The following UBE2E1 variants were observed in gnomAD, a reference collection of about 807,000 sequenced individuals.
UBE2E1 encodes ubiquitin-conjugating enzyme E2 E1.
Under a neutral mutation model 21.4 loss-of-function variants are expected in UBE2E1, and 6 were observed. The ratio of observed to expected loss-of-function variants is 0.28; its 90% CI spans 0.15 to 0.55. The LOEUF is 0.55. UBE2E1 is among the 20% of genes least tolerant of loss of function. The pLI, the probability that UBE2E1 is intolerant of heterozygous loss-of-function variation, is 0.93. For synonymous variants in UBE2E1, 87 were observed against 82.7 expected, an observed-to-expected ratio of 1.05 and a Z score of -0.28; for missense variants, 142 against 236.5, an observed-to-expected ratio of 0.60 and a Z score of 2.62.
Position 23,808,307 on chromosome 3 carries a change from C to G in UBE2E1, c.152+886C>G, listed in dbSNP as rs574689557. On this transcript the variant is annotated intron_variant, in intron 2 of 5. Coordinates refer to ENST00000306627, the MANE Select transcript of UBE2E1 (RefSeq NM_003341.5). This position sits in a 1 kb window ranked among gnomAD's most constrained non-coding sequence, Gnocchi z 4.9. ...CCATCCTTCAGTAATATCCTCTGAT[C>G]GCCATGACCCTCAAAATCATCTTTA... Among the ~76,000 whole-genome samples, 1 of 152,106 alleles carries G rather than the reference C, an allele frequency of 6.6e-6. No individual in the cohort carries two copies. The highest frequency in any genetic ancestry group is 2.4e-5 in the African/African-American group (1 of 41,398).
At chr3:23,888,268 A>G (rs1253549075) in intron 4 of UBE2E1, 8 of 457,014 alleles carry the variant, frequency 1.8e-5, no homozygotes, top group Non-Finnish European at 3.5e-5. Flanking sequence ...ACAGGTGAGG[A>G]TTGCCCAAGT....
chr3:23,846,716 AAAG>A (rs1306987388), intron 3 of UBE2E1, among the ~76,000 whole-genome samples: 2 of 151,626 alleles, frequency 1.3e-5, no homozygotes, highest in Non-Finnish European at 2.9e-5. Flanking sequence ...AAAAAAAAAA[AAAG>A]GGAATGGGTA....
intron 3 of UBE2E1, among the ~76,000 whole-genome samples, chr3:23,869,544 AT>A (rs1700735845): frequency 6.6e-6 from 1 of 151,442 alleles, no homozygotes; most frequent in Non-Finnish European, 1.5e-5. Flanking sequence ...CAAGTAGTTT[AT>A]TTCCAGGTAC....
Position 23,877,031 on chromosome 3 carries a change from A to C in UBE2E1, c.204-10536A>C, listed in dbSNP as rs556115253. 4.1e-4 allele frequency among the ~76,000 whole-genome samples: 62 copies of C among 152,358 alleles called. No homozygotes were observed. The Middle Eastern group carries it at 0.01, about 25-fold the overall frequency. Reference sequence around the variant, plus strand: ...GAGTGAGACACTGTCTCAAAGAAAGAAACAGTTGGTATTCATTGCTCTTAA... The same window carrying C: ...GAGTGAGACACTGTCTCAAAGAAAGCAACAGTTGGTATTCATTGCTCTTAA... On this transcript the variant is annotated intron_variant, in intron 3 of 5. Coordinates refer to ENST00000306627, the MANE Select transcript of UBE2E1 (RefSeq NM_003341.5).
chr3:23,875,047 C>T (rs1393223493), intron 3 of UBE2E1, among the ~76,000 whole-genome samples: 4 of 152,180 alleles, frequency 2.6e-5, no homozygotes. Flanking sequence ...TTTGTCATCC[C>T]TACCAGAGTA....
chr3:23,872,392 G>A (rs1380341747), intron 3 of UBE2E1, among the ~76,000 whole-genome samples: 1 of 151,958 alleles, frequency 6.6e-6, no homozygotes, highest in Non-Finnish European at 1.5e-5. Context: ...GGGAGAGGGA[G>A]AGGGAGAGGC....
intron 3 of UBE2E1, among the ~76,000 whole-genome samples, chr3:23,850,063 T>A (rs756494616): frequency 6.6e-6 from 1 of 152,226 alleles, no homozygotes; most frequent in Non-Finnish European, 1.5e-5. Flanking sequence ...GGATCAAAAT[T>A]GACATATTCT....
intron 3 of UBE2E1, among the ~76,000 whole-genome samples, chr3:23,837,544 C>A (rs774882988): frequency 2.6e-5 from 4 of 152,206 alleles, no homozygotes; most frequent in Non-Finnish European, 5.9e-5. Context: ...CCCAGTCCAA[C>A]TTGCTATGTG....
rs55941535 is a variant in UBE2E1, at chr3:23,842,198, GGTGTGTGTGT to G, written c.203+30730_203+30739del. 4.8e-5 allele frequency among the ~76,000 whole-genome samples: 5 copies of G among 104,282 alleles called. No individual in the cohort carries two copies. The highest frequency in any genetic ancestry group is 1.1e-4 in the African/African-American group (3 of 27,628). The allele number at this position is 104,282 out of a possible 152,430, so 68.4% of individuals were successfully genotyped here. On this transcript the variant is annotated intron_variant, in intron 3 of 5. Transcript: ENST00000306627. This position sits in a 1 kb window ranked among gnomAD's most constrained non-coding sequence, Gnocchi z 4.6. ...TATGTCATGACCCAGTAAGTGAAGG[GGTGTGTGTGT>G]GTGTGTGTGTGTGTGTGTGTGTGTG...
intron 3 of UBE2E1, 151 bp downstream of exon 3, chr3:23,811,661 G>A: frequency 2.8e-6 from 2 of 727,128 alleles, no homozygotes; most frequent in African/African-American, 1.8e-5. Context: ...ATTAACCTGA[G>A]TATAATGTTT....
intron 3 of UBE2E1, among the ~76,000 whole-genome samples, chr3:23,839,536 T>G (rs1187109816): frequency 2.0e-5 from 3 of 152,006 alleles, no homozygotes; most frequent in Non-Finnish European, 4.4e-5. Context: ...TTACCATTTC[T>G]GGTGTTCTTT....
intron 4 of UBE2E1, chr3:23,888,097 A>G: frequency 2.5e-6 from 1 of 403,772 alleles, no homozygotes; most frequent in South Asian, 1.8e-5. Context: ...GTTTGAGTCC[A>G]GTCTGGGCAA....
chr3:23,808,946 T>G lies in UBE2E1; in HGVS notation c.152+1525T>G, dbSNP rs1455975029. Reference sequence around the variant, plus strand: ...TAGATATCCCTGGTGTACATGAATATATTTGGGGGTAAAGACACAGGTATC... The same window carrying G: ...TAGATATCCCTGGTGTACATGAATAGATTTGGGGGTAAAGACACAGGTATC... On this transcript the variant is annotated intron_variant, in intron 2 of 5. Coordinates refer to ENST00000306627, the MANE Select transcript of UBE2E1 (RefSeq NM_003341.5). This position sits in a 1 kb window ranked among gnomAD's most constrained non-coding sequence, Gnocchi z 4.9. 1 of 152,222 alleles carries G rather than the reference T, an allele frequency of 6.6e-6. No individual in the cohort carries two copies. The highest frequency in any genetic ancestry group is 1.5e-5 in the Non-Finnish European group (1 of 68,032). The allele number at this position is 152,222 out of a possible 1,614,324, so 9.4% of individuals were successfully genotyped here.
chr3:23,846,638 G>C (rs1700209839), intron 3 of UBE2E1, among the ~76,000 whole-genome samples: 1 of 148,582 alleles, frequency 6.7e-6, no homozygotes, highest in South Asian at 2.1e-4. Flanking sequence ...GGAGGCTGCA[G>C]TGAGCTGAGA....
intron 3 of UBE2E1, among the ~76,000 whole-genome samples, chr3:23,845,843 C>A (rs1700192570): frequency 6.6e-6 from 1 of 152,054 alleles, no homozygotes; most frequent in African/African-American, 2.4e-5. Flanking sequence ...ATTACGGACA[C>A]CGATTTCAAT....
intron 3 of UBE2E1, chr3:23,878,909 C>T (rs1372116359): frequency 5.7e-6 from 2 of 351,680 alleles, no homozygotes; most frequent in African/African-American, 4.3e-5. Context: ...CCAAACCATC[C>T]CACCCCCCAT....
intron 3 of UBE2E1, among the ~76,000 whole-genome samples, chr3:23,828,318 T>C (rs1368762530): frequency 6.6e-6 from 1 of 152,224 alleles, no homozygotes; most frequent in Non-Finnish European, 1.5e-5. Context: ...ATAAATACAG[T>C]GTTTTAATCT....
intron 4 of UBE2E1, among the ~76,000 whole-genome samples, chr3:23,888,682 G>C (rs1358833454): frequency 6.6e-6 from 1 of 152,184 alleles, no homozygotes; most frequent in Non-Finnish European, 1.5e-5. Flanking sequence ...TGTAGTCATT[G>C]TTTGCTAAGT....
At chr3:23,883,819 G>A (rs536614884) in intron 3 of UBE2E1, among the ~76,000 whole-genome samples, 17 of 151,620 alleles carry the variant, frequency 1.1e-4, no homozygotes, top group African/African-American at 4.1e-4. Flanking sequence ...CAGAGGCTGA[G>A]GCAAGAGAAT....
Sources: gnomAD v4.1 joint callset for allele counts (sites outside exome capture counted in the v4.1 genomes callset) on GRCh38, gnomAD v4.1.1 for gene constraint, Gnocchi (gnomAD v3.1) non-coding constraint, MANE v1.5 for transcripts, NCBI Gene and HGNC (gene_info 2026-07-23, HGNC 2026-07-21) for gene names.